The following CTNNA3 variants were observed in gnomAD, a reference collection of about 807,000 sequenced individuals.
CTNNA3 encodes the protein catenin alpha 3.
In CTNNA3, 76 loss-of-function variants were observed where a neutral mutation model predicts 95.7. That is an observed-to-expected ratio of 0.79 (90% CI 0.66 to 0.96). CTNNA3 has a LOEUF of 0.96. Ranked by LOEUF, CTNNA3 falls within the 40% of genes least tolerant of loss-of-function variation. The pLI is 0.00. For synonymous variants in CTNNA3, 431 were observed against 374.4 expected (o/e 1.15, Z -1.74); for missense variants, 1,191 against 1,089.8 (o/e 1.09, Z -1.31).
chr10:65,965,393 C>CTTTTTTTTTT (rs561552884), intron 17 of CTNNA3, among the ~76,000 whole-genome samples: 17 of 77,648 alleles, frequency 2.2e-4, no homozygotes, highest in African/African-American at 7.9e-4. Flanking sequence ...CTCCCCTCTA[C>CTTTTTTTTTT]TTTTTTTTTT....
chr10:67,071,984 C>T (rs1158571869), intron 7 of CTNNA3, among the ~76,000 whole-genome samples: 10 of 152,144 alleles, frequency 6.6e-5, no homozygotes, highest in African/African-American at 2.2e-4. Flanking sequence ...GACACAGTCT[C>T]ATTCTGTTGC....
At chr10:66,785,020 C>T (rs1432987783) in intron 7 of CTNNA3, among the ~76,000 whole-genome samples, 1 of 152,170 alleles carries the variant, frequency 6.6e-6, no homozygotes, top group Non-Finnish European at 1.5e-5. Context: ...AACATTTGAG[C>T]ATTTTTCATG....
intron 7 of CTNNA3, among the ~76,000 whole-genome samples, chr10:66,817,908 CTG>C (rs1205191741): frequency 6.6e-6 from 1 of 151,948 alleles, no homozygotes; most frequent in Non-Finnish European, 1.5e-5. Context: ...TATTAGCAAA[CTG>C]TTTCCAGAAA....
chr10:66,851,613 A>T (rs1423409769), intron 7 of CTNNA3, among the ~76,000 whole-genome samples: 12 of 28,542 alleles, frequency 4.2e-4, no homozygotes, highest in Non-Finnish European at 3.5e-4. Flanking sequence ...ATCCCCACCC[A>T]CCTCTCTCTT....
rs1262045291 is a variant in CTNNA3, at chr10:66,234,328, C to A, written c.1884+46142G>T. On this transcript the variant is annotated intron_variant, in intron 13 of 17. Coordinates refer to ENST00000433211, the MANE Select transcript of CTNNA3 (RefSeq NM_013266.4). ...TGGTTCTTCAACAAGAATCTGTCTC[C>A]CCCTACTAAACAGCAGGACTCCTGT... 5.3e-5 allele frequency among the ~76,000 whole-genome samples: 8 copies of A among 152,086 alleles called. No individual in the cohort carries two copies. The East Asian group carries it at 1.4e-3, about 26-fold the overall frequency.
At chr10:67,626,954 T>C (rs1269243265) in intron 2 of CTNNA3, among the ~76,000 whole-genome samples, 1 of 152,238 alleles carries the variant, frequency 6.6e-6, no homozygotes, top group Non-Finnish European at 1.5e-5. Context: ...AAAATAAAAA[T>C]GTCTTCAAAA....
At position 66,063,279 on chromosome 10, in the gene CTNNA3, T is replaced by A. The variant is rs1394811384; in HGVS notation, c.2159+6029A>T. Among the ~76,000 whole-genome samples, 9 of 146,358 alleles carry A rather than the reference T, an allele frequency of 6.1e-5. No homozygotes were observed. The East Asian group carries it at 1.8e-3, about 29-fold the overall frequency. On this transcript the variant is annotated intron_variant, in intron 15 of 17. Transcript: ENST00000433211. Reference sequence around the variant, plus strand: ...CTATATATAGATTTATATATCCAGTTGGATATGTATGTATAAATCTCTCTC... The same window carrying A: ...CTATATATAGATTTATATATCCAGTAGGATATGTATGTATAAATCTCTCTC...
At chr10:66,624,607 A>G (rs543421547) in intron 9 of CTNNA3, among the ~76,000 whole-genome samples, 3 of 152,260 alleles carry the variant, frequency 2.0e-5, no homozygotes, top group South Asian at 2.1e-4. Flanking sequence ...CAAAATGATT[A>G]TGTATGCCCT....
At chr10:67,677,301 C>G (rs1272297173) in intron 1 of CTNNA3, among the ~76,000 whole-genome samples, 1 of 152,068 alleles carries the variant, frequency 6.6e-6, no homozygotes, top group African/African-American at 2.4e-5. Flanking sequence ...TTCAGATAAA[C>G]AAAGAATAAT....
chr10:67,212,832 CA>C (rs1864191920), intron 6 of CTNNA3, among the ~76,000 whole-genome samples: 1 of 151,748 alleles, frequency 6.6e-6, no homozygotes, highest in Non-Finnish European at 1.5e-5. Context: ...TAGTGCTAAA[CA>C]GTTTATTCAC....
intron 13 of CTNNA3, among the ~76,000 whole-genome samples, chr10:66,270,232 G>A (rs879816179): frequency 2.0e-5 from 3 of 151,322 alleles, no homozygotes; most frequent in South Asian, 2.1e-4. Flanking sequence ...TTTGGGGGGG[G>A]GGGCAGGGTC....
chr10:66,492,954 C>T (rs1839974940), intron 11 of CTNNA3, among the ~76,000 whole-genome samples: 1 of 152,088 alleles, frequency 6.6e-6, no homozygotes, highest in South Asian at 2.1e-4. Flanking sequence ...TTGGGTTTAT[C>T]CCTTCCTTGT....
At chr10:67,488,285 A>T (rs189164078) in intron 5 of CTNNA3, among the ~76,000 whole-genome samples, 23 of 152,372 alleles carry the variant, frequency 1.5e-4, no homozygotes, top group Non-Finnish European at 2.8e-4. Context: ...AGACATTGAA[A>T]GGAAATAAAT....
At chr10:67,415,321 G>A (rs1254183545) in intron 5 of CTNNA3, among the ~76,000 whole-genome samples, 30 of 152,182 alleles carry the variant, frequency 2.0e-4, no homozygotes, top group Non-Finnish European at 8.8e-5. Context: ...TAAAATCAAT[G>A]TACAAAAATC....
intron 13 of CTNNA3, among the ~76,000 whole-genome samples, chr10:66,185,421 T>C (rs2086280992): frequency 6.6e-6 from 1 of 152,046 alleles, no homozygotes; most frequent in African/African-American, 2.4e-5. Context: ...TAACAAAATA[T>C]TGAAATGAGC....
At chr10:67,512,716 G>T (rs1306406981) in intron 5 of CTNNA3, among the ~76,000 whole-genome samples, 1 of 151,580 alleles carries the variant, frequency 6.6e-6, no homozygotes, top group East Asian at 1.9e-4. Flanking sequence ...GCCAGGAGCG[G>T]TGGCTCACAC....
intron 7 of CTNNA3, among the ~76,000 whole-genome samples, chr10:66,918,607 G>A (rs920957840): frequency 6.6e-6 from 1 of 152,198 alleles, no homozygotes; most frequent in Non-Finnish European, 1.5e-5. Context: ...TCCAAATGAC[G>A]TGGCATCCAA....
At chr10:67,385,849 A>C (rs570912611) in intron 5 of CTNNA3, among the ~76,000 whole-genome samples, 7 of 152,164 alleles carry the variant, frequency 4.6e-5, no homozygotes, top group Middle Eastern at 3.4e-3. Flanking sequence ...AAAAAAAAAA[A>C]AAAACCTGGG....
chr10:65,923,081 A>T (rs895798377), intron 17 of CTNNA3, among the ~76,000 whole-genome samples: 5 of 152,154 alleles, frequency 3.3e-5, no homozygotes, highest in African/African-American at 1.2e-4. Context: ...TCGCTCCCTC[A>T]CACTTGGGGA....
Sources: allele counts gnomAD v4.1 joint callset (sites outside exome capture counted in the v4.1 genomes callset), GRCh38; gene constraint gnomAD v4.1.1; transcripts MANE v1.5; gene names NCBI Gene and HGNC (gene_info 2026-07-23, HGNC 2026-07-21).